The following ADAMTS3 variants were observed in gnomAD, a reference collection of about 807,000 sequenced individuals.
The protein encoded by ADAMTS3 is A disintegrin and metalloproteinase with thrombospondin motifs 3.
A neutral mutation model predicts 129.0 loss-of-function variants in ADAMTS3; 73 were observed. The observed-to-expected ratio is 0.57, with a 90% CI of 0.47 to 0.69. ADAMTS3 has a LOEUF of 0.69. Among genes scored for constraint, ADAMTS3 ranks in the 30% least tolerant of loss-of-function variants. The pLI is 0.00. For synonymous variants in ADAMTS3, 477 were observed against 510.8 expected (o/e 0.93, Z 0.89); for missense variants, 1,457 against 1,514.5 (o/e 0.96, Z 0.63).
chr4:72,461,382 T>C (rs1471173697), intron 3 of ADAMTS3, among the ~76,000 whole-genome samples: 1 of 151,816 alleles, frequency 6.6e-6, no homozygotes, highest in African/African-American at 2.4e-5. Flanking sequence ...AGGCTATTTC[T>C]CATGCCATCT....
chr4:72,357,178 T>C (rs776147313), intron 4 of ADAMTS3, among the ~76,000 whole-genome samples: 15 of 151,918 alleles, frequency 9.9e-5, no homozygotes, highest in Non-Finnish European at 1.8e-4. Flanking sequence ...TGAATGTGTA[T>C]GGAGATGCTC....
chr4:72,453,903 A>AAT (rs911441054), intron 3 of ADAMTS3, among the ~76,000 whole-genome samples: 3 of 148,478 alleles, frequency 2.0e-5, no homozygotes, highest in African/African-American at 7.3e-5. Flanking sequence ...TTATATGTAA[A>AAT]ATATATATAT....
At chr4:72,478,956 G>T (rs1273777074) in intron 3 of ADAMTS3, among the ~76,000 whole-genome samples, 1 of 151,914 alleles carries the variant, frequency 6.6e-6, no homozygotes. Flanking sequence ...GCTTCAAAGA[G>T]AATAAAATAC....
rs1214206096 is a variant in ADAMTS3, at chr4:72,339,570, A to C, written c.785T>G (p.Leu262Arg). The change falls in exon 5 of 22, where the codon CTG becomes CGG. Residue 262 changes from leucine (L) to arginine (R), a missense_variant. By Grantham distance (102) the Leu-to-Arg change is moderately radical. Transcript: ENST00000286657. ...GENDYNIEVL[L>R]GVDDSVVRFH... ...ACGGACCACAGAGTCATCCACTCCC[A>C]GCAGTACCTCGATATTGTAATCGTT... 1 of 1,614,008 alleles carries C rather than the reference A, an allele frequency of 6.2e-7. No homozygotes were observed. The highest frequency in any genetic ancestry group is 8.5e-7 in the Non-Finnish European group (1 of 1,179,900).
rs576499751 is a variant in ADAMTS3 at position 72,303,970 on chromosome 4, C to G, written c.2371G>C (p.Asp791His). 6.2e-7 allele frequency: 1 copy of G among 1,613,714 alleles called. No homozygotes were observed. Among genetic ancestry groups the G allele is most frequent in the South Asian group, 1.1e-5 (1 of 91,078 alleles). Residue 791 changes from aspartate to histidine, a missense_variant, in exon 17 of 22, where the codon GAC becomes CAC. Physicochemically the swap from Asp to His is moderately conservative, Grantham distance 81 (BLOSUM62 -1). Coordinates refer to ENST00000286657, the MANE Select transcript of ADAMTS3 (RefSeq NM_014243.3). ...GVEWDYNIEDDIESLHTDGPL... is the reference protein window; with the variant it reads ...GVEWDYNIEDHIESLHTDGPL... ...CCATCGGTGTGAAGACTTTCAATGTCATCTTCAATGTTATAATCCCACTCC... is the reference window on the plus strand; with the variant it reads ...CCATCGGTGTGAAGACTTTCAATGTGATCTTCAATGTTATAATCCCACTCC...
chr4:72,450,283 C>T (rs898391618), intron 3 of ADAMTS3, among the ~76,000 whole-genome samples: 1 of 151,628 alleles, frequency 6.6e-6, no homozygotes, highest in African/African-American at 2.4e-5. Context: ...CACAGATGCA[C>T]TGAACGGTAC....
chr4:72,549,341 T>A (rs1202217565), intron 2 of ADAMTS3, among the ~76,000 whole-genome samples: 4 of 152,082 alleles, frequency 2.6e-5, no homozygotes, highest in African/African-American at 9.7e-5. Flanking sequence ...CTAATTACAA[T>A]AACTATATTA....
chr4:72,388,655 C>T (rs1721506858), intron 4 of ADAMTS3, among the ~76,000 whole-genome samples: 1 of 152,160 alleles, frequency 6.6e-6, no homozygotes, highest in Non-Finnish European at 1.5e-5. Context: ...TTTGCTGTAG[C>T]AGTTTAACCT....
At chr4:72,415,610 T>C (rs1296663468) in intron 3 of ADAMTS3, among the ~76,000 whole-genome samples, 1 of 151,872 alleles carries the variant, frequency 6.6e-6, no homozygotes, top group African/African-American at 2.4e-5. Context: ...ATTATATATA[T>C]ATATCCCCCT....
intron 2 of ADAMTS3, among the ~76,000 whole-genome samples, chr4:72,559,572 T>C (rs1721849863): frequency 6.6e-6 from 1 of 151,710 alleles, no homozygotes; most frequent in African/African-American, 2.4e-5. Context: ...TTCATGGTGA[T>C]AGGCAGACCT....
chr4:72,532,207 C>A (rs1721062609), intron 3 of ADAMTS3, among the ~76,000 whole-genome samples: 1 of 152,050 alleles, frequency 6.6e-6, no homozygotes, highest in African/African-American at 2.4e-5. Context: ...AACTTTCAGT[C>A]CCATCTGCAG....
At chr4:72,550,744 A>AG (rs1721624601) in intron 2 of ADAMTS3, among the ~76,000 whole-genome samples, 1 of 151,260 alleles carries the variant, frequency 6.6e-6, no homozygotes, top group South Asian at 2.1e-4. Flanking sequence ...AGAGAGAAAA[A>AG]CAAACTCAAA....
chr4:72,416,743 GC>G (rs1722315559), intron 3 of ADAMTS3, among the ~76,000 whole-genome samples: 2 of 152,006 alleles, frequency 1.3e-5, no homozygotes, highest in Admixed American at 1.3e-4. Flanking sequence ...TCTTCCTCAT[GC>G]TTTCAAATTT....
chr4:72,514,949 A>G (rs1220754439), intron 3 of ADAMTS3, among the ~76,000 whole-genome samples: 2 of 152,052 alleles, frequency 1.3e-5, no homozygotes, highest in Admixed American at 1.3e-4. Context: ...CTCGTCATGT[A>G]GCATTAGGTA....
chr4:72,291,214 T>C lies in ADAMTS3; in HGVS notation c.2724-152A>G, dbSNP rs1718654167. On this transcript the variant is annotated intron_variant, in intron 19 of 21. Coordinates refer to ENST00000286657, the MANE Select transcript of ADAMTS3 (RefSeq NM_014243.3). ...GGAAGTGGTTTCAGAAAGATGGATA[T>C]AATGGATAACTTTTTAACAATAGTA... is the stretch of plus-strand genomic sequence containing the variant. 4.3e-6 allele frequency: 3 copies of C among 689,954 alleles called. No individual in the cohort carries two copies. In the African/African-American group the frequency reaches 5.4e-5, roughly 12 times the overall value. 42.7% of individuals were successfully genotyped at this position (689,954 alleles called of 1,614,324 possible).
At chr4:72,292,903 T>C (rs1217886347) in intron 19 of ADAMTS3, among the ~76,000 whole-genome samples, 2 of 152,192 alleles carry the variant, frequency 1.3e-5, no homozygotes, top group African/African-American at 4.8e-5. Flanking sequence ...TTGCTCAATT[T>C]TGAAGACTTC....
At position 72,336,884 on chromosome 4, in the gene ADAMTS3, A is replaced by C. The variant is rs565762225; in HGVS notation, c.861+2610T>G. On this transcript the variant is annotated intron_variant, in intron 5 of 21. Coordinates refer to ENST00000286657, the MANE Select transcript of ADAMTS3 (RefSeq NM_014243.3). ...ACCCACCAGTGTTAACAATAAAAAAAGTCTACAGACATTGCCATATGTCCC... is the reference window on the plus strand; with the variant it reads ...ACCCACCAGTGTTAACAATAAAAAACGTCTACAGACATTGCCATATGTCCC... 8.5e-4 allele frequency among the ~76,000 whole-genome samples: 129 copies of C among 152,268 alleles called. 1 individual carries two copies. The highest frequency in any genetic ancestry group is 3.0e-3 in the African/African-American group (126 of 41,566).
At position 72,398,247 on chromosome 4, in the gene ADAMTS3, G is replaced by T. The variant is rs190075503; in HGVS notation, c.661+16568C>A. Among the ~76,000 whole-genome samples, 4 of 152,100 alleles carry T rather than the reference G, an allele frequency of 2.6e-5. No individual in the cohort carries two copies. In the East Asian group the frequency reaches 7.7e-4, roughly 29 times the overall value. On this transcript the variant is annotated intron_variant, in intron 4 of 21. Transcript: ENST00000286657. ...AAAAAATGTTCTTTAGAGAAATGTG[G>T]TAACAATGTTGATAAAATAAAAGTA...
chr4:72,307,855 A>G (rs1345433880), intron 15 of ADAMTS3, among the ~76,000 whole-genome samples: 1 of 151,988 alleles, frequency 6.6e-6, no homozygotes, highest in Non-Finnish European at 1.5e-5. Context: ...GTGCAAAGAT[A>G]TGGAAGTTAG....
Sources: allele counts gnomAD v4.1 joint callset (sites outside exome capture counted in the v4.1 genomes callset), GRCh38; gene constraint gnomAD v4.1.1; transcripts MANE v1.5; gene names NCBI Gene and HGNC (gene_info 2026-07-23, HGNC 2026-07-21).